COG5: variants seen among roughly 807,000 people sequenced by gnomAD.
COG5 encodes component of oligomeric golgi complex 5.
In COG5, 86 loss-of-function variants were observed where a neutral mutation model predicts 110.4. That is an observed-to-expected ratio of 0.78 (90% confidence interval 0.65 to 0.93). The LOEUF (loss-of-function observed/expected upper bound fraction) is 0.93. Ranked by LOEUF, COG5 falls within the 40% of genes least tolerant of loss-of-function variation. The pLI is 0.00. For missense variants in COG5, 1,077 were observed against 987.0 expected, an observed-to-expected ratio of 1.09 and a Z score of -1.22; for synonymous variants, 360 against 334.6, an observed-to-expected ratio of 1.08 and a Z score of -0.83.
chr7:107,228,360 T>A (rs2116380023), intron 19 of COG5, among the ~76,000 whole-genome samples: 1 of 150,686 alleles, frequency 6.6e-6, no homozygotes, highest in African/African-American at 2.4e-5. Context: ...AAATCACAGC[T>A]TTTCTCATAC....
chr7:107,361,040 T>G (rs142414336), intron 10 of COG5, among the ~76,000 whole-genome samples: 242 of 152,298 alleles, frequency 1.6e-3, no homozygotes, highest in African/African-American at 5.5e-3. Flanking sequence ...CCTGGAGGCT[T>G]TCCACACAGT....
chr7:107,275,852 T>C (rs564948768), intron 14 of COG5, among the ~76,000 whole-genome samples: 4 of 152,004 alleles, frequency 2.6e-5, no homozygotes, highest in South Asian at 4.2e-4. Flanking sequence ...AAAAAAAAAA[T>C]TGAACTCATA....
chr7:107,353,449 CAG>C (rs1812355479), intron 10 of COG5, among the ~76,000 whole-genome samples: 1 of 141,630 alleles, frequency 7.1e-6, no homozygotes, highest in Non-Finnish European at 1.5e-5. Flanking sequence ...AAAAAGAAAA[CAG>C]AATATAGTAA....
At chr7:107,351,230 T>C (rs1584714880) in intron 10 of COG5, among the ~76,000 whole-genome samples, 1 of 152,196 alleles carries the variant, frequency 6.6e-6, no homozygotes, top group Non-Finnish European at 1.5e-5. Flanking sequence ...GTTTAATAAA[T>C]GGTGCTGGGA....
intron 6 of COG5, among the ~76,000 whole-genome samples, chr7:107,489,128 T>C (rs1232901862): frequency 6.6e-6 from 1 of 152,200 alleles, no homozygotes; most frequent in East Asian, 1.9e-4. Flanking sequence ...TGTATGTACT[T>C]TTTTCATACT....
At chr7:107,475,869 T>C (rs1009570724) in intron 6 of COG5, among the ~76,000 whole-genome samples, 4 of 151,682 alleles carry the variant, frequency 2.6e-5, no homozygotes, top group African/African-American at 9.7e-5. Context: ...TTGCTATATT[T>C]GATGCATCAC....
intron 6 of COG5, among the ~76,000 whole-genome samples, chr7:107,446,763 A>G (rs1290511542): frequency 6.6e-6 from 1 of 152,150 alleles, no homozygotes; most frequent in Non-Finnish European, 1.5e-5. Flanking sequence ...CTTCCACCAC[A>G]GTCACACCCT....
rs1294665689 is a variant in COG5, at chr7:107,306,837, C to T, written c.1109-8491G>A. On this transcript the variant is annotated intron_variant, in intron 11 of 21. Coordinates refer to ENST00000297135, the MANE Select transcript of COG5 (RefSeq NM_006348.5). ...ACTCTTCAATTTTCTACCTTCTTCC[C>T]GTCTATTTCTAGTCTTCAACTTTGA... Among the ~76,000 whole-genome samples, 6 of 152,206 alleles carry T rather than the reference C, an allele frequency of 3.9e-5. No homozygotes were observed. The South Asian group carries it at 6.2e-4, about 16-fold the overall frequency.
intron 11 of COG5, 88 bp from the exon 12 acceptor site, chr7:107,298,434 C>T: frequency 9.2e-7 from 1 of 1,092,866 alleles, no homozygotes; most frequent in Non-Finnish European, 1.3e-6. Context: ...TCCAAATAAC[C>T]CATACTATAG....
chr7:107,229,352 G>T lies in COG5; in HGVS notation c.2168+1263C>A, dbSNP rs549088095. On this transcript the variant is annotated intron_variant, in intron 19 of 21. Transcript: ENST00000297135. ...TAATCCCAGCTACTCAGGAGGCAGAGACAGGAGAATCGCTTGAACCCGGGA... is the reference window on the plus strand; with the variant it reads ...TAATCCCAGCTACTCAGGAGGCAGATACAGGAGAATCGCTTGAACCCGGGA... Among the ~76,000 whole-genome samples the T allele has an allele frequency of 2.0e-4, 31 of 152,270 alleles. 1 individual carries two copies. In the South Asian group the frequency reaches 6.4e-3, roughly 32 times the overall value.
intron 7 of COG5, among the ~76,000 whole-genome samples, chr7:107,408,320 T>G (rs576126910): frequency 6.6e-6 from 1 of 152,356 alleles, no homozygotes; most frequent in Non-Finnish European, 1.5e-5. Flanking sequence ...AAAAGTGTGC[T>G]GGTCCTTAGA....
intron 14 of COG5, among the ~76,000 whole-genome samples, chr7:107,260,138 T>C (rs1040440713): frequency 2.0e-5 from 3 of 149,622 alleles, no homozygotes; most frequent in Non-Finnish European, 3.0e-5. Flanking sequence ...CAAATATTCA[T>C]AGCAGCATTT....
In COG5 at chr7:107,258,354, C is replaced by A. The variant is rs1253792994; in HGVS notation, c.1605G>T (p.Val535=). 1 of 1,612,284 alleles carries A rather than the reference C, an allele frequency of 6.2e-7. No individual in the cohort carries two copies. The highest frequency in any genetic ancestry group is 8.5e-7 in the Non-Finnish European group (1 of 1,178,456). The stretch of plus-strand genomic sequence containing the variant: ...TCTGTCCTTCAGTAAGAGGCCCAAT[C>A]ACCTGACTTGCATCTCCTTGTGTGG... ...LLSTQGDASQ[V]IGPLTEGQRR... Residue 535 remains valine, a synonymous_variant, in exon 15 of 22, where the codon GTG becomes GTT. Coordinates refer to ENST00000297135, the MANE Select transcript of COG5 (RefSeq NM_006348.5).
intron 8 of COG5, among the ~76,000 whole-genome samples, chr7:107,369,670 T>A (rs1211413370): frequency 6.6e-6 from 1 of 152,164 alleles, no homozygotes; most frequent in Non-Finnish European, 1.5e-5. Context: ...ATTACAGGCA[T>A]GAGCCAACAC....
intron 19 of COG5, among the ~76,000 whole-genome samples, chr7:107,223,046 T>A (rs942495157): frequency 6.6e-6 from 1 of 152,164 alleles, no homozygotes; most frequent in African/African-American, 2.4e-5. Context: ...ATCAGTGGTA[T>A]CCTGAGACAG....
intron 7 of COG5, among the ~76,000 whole-genome samples, chr7:107,396,135 A>G (rs961747346): frequency 4.6e-5 from 7 of 152,328 alleles, no homozygotes; most frequent in Non-Finnish European, 1.0e-4. Context: ...TTTTCTGGAG[A>G]TAACACATGT....
At chr7:107,500,167 T>C (rs1798549035) in intron 6 of COG5, among the ~76,000 whole-genome samples, 1 of 152,170 alleles carries the variant, frequency 6.6e-6, no homozygotes, top group Non-Finnish European at 1.5e-5. Context: ...GGAAACCAAT[T>C]TAAGATGTAA....
Position 107,431,168 on chromosome 7 carries a change from C to T in COG5, c.539-18536G>A, listed in dbSNP as rs149976651. ...AAAATAAATCTGTATTGTTTTAAGC[C>T]ATCAAATTTGTGGTAATTTGTTACA... On this transcript the variant is annotated intron_variant, in intron 6 of 21. Coordinates refer to ENST00000297135, the MANE Select transcript of COG5 (RefSeq NM_006348.5). Among the ~76,000 whole-genome samples, 21 of 152,256 alleles carry T rather than the reference C, an allele frequency of 1.4e-4. No homozygotes were observed. In the East Asian group the frequency reaches 3.9e-3, roughly 28 times the overall value.
intron 11 of COG5, 148 bp from the exon 12 acceptor site, chr7:107,298,494 A>G (rs1289508184): frequency 7.4e-6 from 4 of 538,212 alleles, no homozygotes; most frequent in Non-Finnish European, 9.7e-6. Context: ...AATGCTAATA[A>G]TAATAATTTT....
Sources: allele counts gnomAD v4.1 joint callset (sites outside exome capture counted in the v4.1 genomes callset), GRCh38; gene constraint gnomAD v4.1.1; transcripts MANE v1.5; gene names NCBI Gene and HGNC (gene_info 2026-07-23, HGNC 2026-07-21).